Variants in ZNF804B observed in about 807,000 individuals in gnomAD.
The protein encoded by ZNF804B is zinc finger protein 804B.
ZNF804B carries 80 observed loss-of-function variants against 101.4 expected under a neutral mutation model. The ratio of observed to expected loss-of-function variants is 0.79; its 90% confidence interval spans 0.66 to 0.95. The LOEUF (loss-of-function observed/expected upper bound fraction) is 0.95, where lower values mean the gene tolerates loss of function less well. Among genes scored for constraint, ZNF804B ranks in the 40% least tolerant of loss-of-function variants. ZNF804B has a pLI of 0.00. For missense variants in ZNF804B, 1,673 were observed against 1,561.9 expected, an observed-to-expected ratio of 1.07 and a Z score of -1.20; for synonymous variants, 622 against 558.8, an observed-to-expected ratio of 1.11 and a Z score of -1.59.
chr7:89,112,846 C>G (rs753742400), intron 1 of ZNF804B, among the ~76,000 whole-genome samples: 1 of 151,976 alleles, frequency 6.6e-6, no homozygotes, highest in African/African-American at 2.4e-5. Flanking sequence ...TGGGTATAAA[C>G]GGAGGTACAG....
intron 1 of ZNF804B, among the ~76,000 whole-genome samples, chr7:89,122,035 A>G (rs951359056): frequency 1.3e-5 from 2 of 151,532 alleles, no homozygotes; most frequent in Admixed American, 1.3e-4. Flanking sequence ...ATATGTATAT[A>G]TTAATTATGC....
chr7:89,071,760 A>G (rs907416988), intron 1 of ZNF804B, among the ~76,000 whole-genome samples: 4 of 147,032 alleles, frequency 2.7e-5, no homozygotes, highest in African/African-American at 1.1e-4. Flanking sequence ...CAAGTAGTAG[A>G]TATTTATGCA....
At chr7:89,058,031 G>T (rs906174708) in intron 1 of ZNF804B, among the ~76,000 whole-genome samples, 7 of 152,036 alleles carry the variant, frequency 4.6e-5, no homozygotes, top group Non-Finnish European at 1.0e-4. Context: ...GTCTCTTGGG[G>T]GAGGTCAATT....
At chr7:89,315,263 A>C (rs979668189) in intron 2 of ZNF804B, among the ~76,000 whole-genome samples, 1 of 152,124 alleles carries the variant, frequency 6.6e-6, no homozygotes, top group African/African-American at 2.4e-5. Context: ...ATTCATGAGG[A>C]ACTGCCCCCA....
In ZNF804B at chr7:89,338,162, T is replaced by G. The variant is rs1791134215; in HGVS notation, c.*1130T>G. Among the ~76,000 whole-genome samples, 1 of 152,110 alleles carries G rather than the reference T, an allele frequency of 6.6e-6. No individual in the cohort carries two copies. Among genetic ancestry groups the G allele is most frequent in the Admixed American group, 6.6e-5 (1 of 15,264 alleles). The stretch of plus-strand genomic sequence containing the variant: ...ATAATCCTACAGTTAGGTTTATTAT[T>G]TTATGTTCTTAAGCATGAGTTTCAG... On this transcript the variant is annotated 3_prime_UTR_variant, in exon 4 of 4. Transcript: ENST00000333190.
chr7:89,201,677 C>G (rs530787029), intron 1 of ZNF804B, among the ~76,000 whole-genome samples: 1 of 151,984 alleles, frequency 6.6e-6, no homozygotes, highest in Non-Finnish European at 1.5e-5. Context: ...ATAATATACT[C>G]TCTAAAGTTT....
At chr7:89,170,557 C>T (rs770674597) in intron 1 of ZNF804B, among the ~76,000 whole-genome samples, 3 of 152,108 alleles carry the variant, frequency 2.0e-5, no homozygotes, top group Non-Finnish European at 4.4e-5. Context: ...CAGTCTACCC[C>T]CTTCAGTAGA....
rs543821099 is a variant in ZNF804B at position 89,226,370 on chromosome 7, TAAA to T, written c.249+8076_249+8078del. 3.6e-3 allele frequency among the ~76,000 whole-genome samples: 545 copies of T among 152,202 alleles called. 6 individuals are homozygous for T. The highest frequency in any genetic ancestry group is 0.012 in the African/African-American group (508 of 41,560). On this transcript the variant is annotated intron_variant, in intron 2 of 3. Coordinates refer to ENST00000333190, the MANE Select transcript of ZNF804B (RefSeq NM_181646.5). Reference sequence around the variant, plus strand: ...AAACATACAATGAAGAGAGAGTGGCTAAATTATGGTGGACTTAAACTGGAATAA... The same window carrying T: ...AAACATACAATGAAGAGAGAGTGGCTTTATGGTGGACTTAAACTGGAATAA...
intron 1 of ZNF804B, among the ~76,000 whole-genome samples, chr7:88,777,408 G>T (rs868399728): frequency 6.6e-6 from 1 of 152,212 alleles, no homozygotes; most frequent in African/African-American, 2.4e-5. Flanking sequence ...AGCTAGCAAG[G>T]GGATCTGGAA....
chr7:89,126,765 A>G (rs901897744), intron 1 of ZNF804B, among the ~76,000 whole-genome samples: 2 of 151,760 alleles, frequency 1.3e-5, no homozygotes, highest in African/African-American at 4.8e-5. Flanking sequence ...AAACTAAGCT[A>G]TTTCTCTTCT....
chr7:89,083,519 A>G (rs1431454535), intron 1 of ZNF804B, among the ~76,000 whole-genome samples: 1 of 139,312 alleles, frequency 7.2e-6, no homozygotes, highest in Non-Finnish European at 1.6e-5. Context: ...TACATTCCTA[A>G]TAATTTTATA....
intron 1 of ZNF804B, among the ~76,000 whole-genome samples, chr7:89,019,119 T>C (rs1788617897): frequency 6.6e-6 from 1 of 152,058 alleles, no homozygotes; most frequent in Admixed American, 6.6e-5. Flanking sequence ...AGGCATTTAT[T>C]GCTATAAACT....
chr7:89,013,716 C>T lies in ZNF804B; in HGVS notation c.109-204439C>T, dbSNP rs142475942. On this transcript the variant is annotated intron_variant, in intron 1 of 3. Coordinates refer to ENST00000333190, the MANE Select transcript of ZNF804B (RefSeq NM_181646.5). ...TAGTCTAGACCGTTAGAACGTAGTT[C>T]TCCTAACTAGCTGTAATTTTGTGTC... is the stretch of plus-strand genomic sequence containing the variant. 4.6e-3 allele frequency among the ~76,000 whole-genome samples: 705 copies of T among 152,192 alleles called. 7 individuals carry two copies. Among genetic ancestry groups the T allele is most frequent in the African/African-American group, 0.016 (649 of 41,534 alleles).
At chr7:88,854,462 T>TC in intron 1 of ZNF804B, among the ~76,000 whole-genome samples, 17 of 115,326 alleles carry the variant, frequency 1.5e-4, no homozygotes, top group African/African-American at 5.2e-4. Flanking sequence ...TTTCTTTCTT[T>TC]CTTTCTTTCT....
At chr7:88,897,085 C>G (rs929820642) in intron 1 of ZNF804B, among the ~76,000 whole-genome samples, 1 of 152,102 alleles carries the variant, frequency 6.6e-6, no homozygotes, top group East Asian at 1.9e-4. Flanking sequence ...ACATAAACTG[C>G]GATAGACTGA....
At chr7:89,207,418 A>G (rs1366230522) in intron 1 of ZNF804B, among the ~76,000 whole-genome samples, 1 of 152,128 alleles carries the variant, frequency 6.6e-6, no homozygotes, top group Middle Eastern at 3.2e-3. Context: ...AAACCATCAG[A>G]TCTCATGAGA....
At chr7:89,294,512 C>A (rs1045060808) in intron 2 of ZNF804B, among the ~76,000 whole-genome samples, 9 of 151,890 alleles carry the variant, frequency 5.9e-5, no homozygotes, top group African/African-American at 2.2e-4. Context: ...CACCTATGTT[C>A]TGAAATCTCA....
In ZNF804B at chr7:89,237,230, A is replaced by G. The variant is rs149983791; in HGVS notation, c.249+18935A>G. 3.1e-3 allele frequency among the ~76,000 whole-genome samples: 465 copies of G among 152,298 alleles called. 5 individuals carry two copies. The highest frequency in any genetic ancestry group is 0.01 in the African/African-American group (432 of 41,562). On this transcript the variant is annotated intron_variant, in intron 2 of 3. Coordinates refer to ENST00000333190, the MANE Select transcript of ZNF804B (RefSeq NM_181646.5). ...CTTGTAATTTTCAAAATATGTGTAT[A>G]TAGTTAGCTGATTAGAAGAAAATAT... is the stretch of plus-strand genomic sequence containing the variant.
At chr7:88,975,041 C>G (rs1177227178) in intron 1 of ZNF804B, among the ~76,000 whole-genome samples, 1 of 151,342 alleles carries the variant, frequency 6.6e-6, no homozygotes. Context: ...TTTGTCTTTC[C>G]ATGCCTGGCT....
Sources: allele counts gnomAD v4.1 joint callset (sites outside exome capture counted in the v4.1 genomes callset), GRCh38; gene constraint gnomAD v4.1.1; transcripts MANE v1.5; gene names NCBI Gene and HGNC (gene_info 2026-07-23, HGNC 2026-07-21).